The following RPH3A variants were observed in gnomAD, a reference collection of about 807,000 sequenced individuals.
RPH3A encodes rabphilin 3A, also known as rabphilin-3A.
RPH3A carries 48 observed loss-of-function variants against 102.2 expected under a neutral mutation model. That is an observed-to-expected ratio of 0.47 (90% CI 0.37 to 0.60). RPH3A has a LOEUF of 0.60. Among genes scored for constraint, RPH3A ranks in the 20% least tolerant of loss-of-function variants. RPH3A has a pLI of 0.00. For synonymous variants in RPH3A, 310 were observed against 324.3 expected (o/e 0.96, Z 0.47); for missense variants, 781 against 910.1 (o/e 0.86, Z 1.83).
Position 112,896,924 on chromosome 12 carries a change from C to T in RPH3A, c.*144C>T, listed in dbSNP as rs565753263. 1.9e-4 allele frequency: 157 copies of T among 810,740 alleles called. No individual in the cohort carries two copies. In the East Asian group the frequency reaches 3.7e-3, roughly 19 times the overall value. 50.2% of individuals were successfully genotyped at this position (810,740 alleles called of 1,614,324 possible). A position where few individuals can be genotyped will look rare whatever the true frequency, so the allele number is the denominator to read the frequency against. Reference sequence around the variant, plus strand: ...TGAGCCTGCCTTTGAGCCCCCGTCACGTTGGGCACTGCTGCCAAAGACTCC... The same window carrying T: ...TGAGCCTGCCTTTGAGCCCCCGTCATGTTGGGCACTGCTGCCAAAGACTCC... On this transcript the variant is annotated 3_prime_UTR_variant, in exon 22 of 22. Coordinates refer to ENST00000389385, the MANE Select transcript of RPH3A (RefSeq NM_001143854.2).
At chr12:112,686,239 T>A (rs528855866) in intron 1 of RPH3A, among the ~76,000 whole-genome samples, 1 of 152,260 alleles carries the variant, frequency 6.6e-6, no homozygotes, top group African/African-American at 2.4e-5. Context: ...CTTCCAGAAC[T>A]TGGTTGAAAT....
At position 112,686,643 on chromosome 12, in the gene RPH3A, A is replaced by C. The variant is rs73417188; in HGVS notation, c.-139-105500A>C. ...TATGCAAGTGAGGCCATCCAGGACC[A>C]GCCAGCCACCAGCCAATTCCCCAGC... On this transcript the variant is annotated intron_variant, in intron 1 of 21. Coordinates refer to the RPH3A transcript ENST00000543106. Among the ~76,000 whole-genome samples, 341 of 152,334 alleles carry C rather than the reference A, an allele frequency of 2.2e-3. 2 individuals carry two copies. The highest frequency in any genetic ancestry group is 7.5e-3 in the African/African-American group (311 of 41,574).
intron 1 of RPH3A, among the ~76,000 whole-genome samples, chr12:112,750,446 A>G (rs183686685): frequency 6.6e-6 from 1 of 152,280 alleles, no homozygotes; most frequent in East Asian, 1.9e-4. Flanking sequence ...ACTGTAGAAC[A>G]TGCACCTCAG....
intron 2 of RPH3A, among the ~76,000 whole-genome samples, chr12:112,806,796 G>T (rs992036325): frequency 6.6e-6 from 1 of 152,038 alleles, no homozygotes; most frequent in African/African-American, 2.4e-5. Flanking sequence ...ATCTTCCTGT[G>T]AGCAGGTAGA....
At chr12:112,594,656 G>A (rs779126503) in intron 1 of RPH3A, among the ~76,000 whole-genome samples, 3 of 152,224 alleles carry the variant, frequency 2.0e-5, no homozygotes, top group Non-Finnish European at 2.9e-5. Flanking sequence ...CCCTCGTGGA[G>A]CTCTCAGTCT....
chr12:112,780,492 C>T (rs11608781), intron 1 of RPH3A, among the ~76,000 whole-genome samples: 3,924 of 152,236 alleles, frequency 0.026, 65 homozygotes, highest in Middle Eastern at 0.034. Context: ...ATCTCTTTCA[C>T]CTGTTAGGGA....
chr12:112,833,544 T>G (rs1047413572), intron 3 of RPH3A, among the ~76,000 whole-genome samples: 5 of 73,864 alleles, frequency 6.8e-5, no homozygotes, highest in Non-Finnish European at 1.3e-4. Context: ...GTTCTGGTCA[T>G]CCAGAAACAC....
rs11447068 is a variant in RPH3A, at chr12:112,841,173, T to TAAAAAAAAAAAAAAAA, written c.83+4677_83+4692dup. Among the ~76,000 whole-genome samples the TAAAAAAAAAAAAAAAA allele has an allele frequency of 2.0e-3, 68 of 33,320 alleles. 5 individuals are homozygous for TAAAAAAAAAAAAAAAA. Among genetic ancestry groups the TAAAAAAAAAAAAAAAA allele is most frequent in the African/African-American group, 8.1e-3 (58 of 7,184 alleles). The allele number at this position is 33,320 out of a possible 152,430, so 21.9% of individuals were successfully genotyped here. On this transcript the variant is annotated intron_variant, in intron 4 of 21. Coordinates refer to ENST00000389385, the MANE Select transcript of RPH3A (RefSeq NM_001143854.2). ...GGCAACATAACAAGACCTTGTTTCT[T>TAAAAAAAAAAAAAAAA]AAAAAAAAAAAAAAAAAAAAAGCCT... is the stretch of plus-strand genomic sequence containing the variant.
At chr12:112,703,471 T>G (rs947203181) in intron 1 of RPH3A, among the ~76,000 whole-genome samples, 1 of 152,214 alleles carries the variant, frequency 6.6e-6, no homozygotes, top group African/African-American at 2.4e-5. Context: ...ACTGAAGCCA[T>G]CCTCATGAAG....
intron 1 of RPH3A, among the ~76,000 whole-genome samples, chr12:112,593,647 A>G (rs967974304): frequency 6.6e-6 from 1 of 152,206 alleles, no homozygotes; most frequent in African/African-American, 2.4e-5. Context: ...GTTAGATTGG[A>G]AGGCCACCTT....
intron 16 of RPH3A, among the ~76,000 whole-genome samples, chr12:112,885,220 A>G (rs949749193): frequency 3.3e-5 from 5 of 152,324 alleles, no homozygotes; most frequent in Admixed American, 2.6e-4. Flanking sequence ...TCTGTTGCAT[A>G]TATACCTAGA....
intron 1 of RPH3A, among the ~76,000 whole-genome samples, chr12:112,712,910 T>TTCC (rs1565856739): frequency 4.0e-4 from 44 of 110,488 alleles, no homozygotes; most frequent in African/African-American, 1.6e-3. Context: ...CTTCCTCTTC[T>TTCC]TCTTCTTCTT....
chr12:112,639,623 A>G (rs543751248), intron 1 of RPH3A, among the ~76,000 whole-genome samples: 2 of 152,282 alleles, frequency 1.3e-5, no homozygotes, highest in Admixed American at 1.3e-4. Flanking sequence ...AAACCTGCAC[A>G]TGTACCCTGG....
intron 1 of RPH3A, among the ~76,000 whole-genome samples, chr12:112,701,220 G>C (rs1644162238): frequency 6.6e-6 from 1 of 152,090 alleles, no homozygotes. Flanking sequence ...CGAGAGTATA[G>C]GTAGAAAGGT....
chr12:112,718,438 A>G (rs2136040796), intron 1 of RPH3A, among the ~76,000 whole-genome samples: 1 of 152,222 alleles, frequency 6.6e-6, no homozygotes, highest in South Asian at 2.1e-4. Context: ...GTCTATAACA[A>G]TGATTCCCAA....
At chr12:112,763,441 A>T (rs1040769735) in intron 1 of RPH3A, among the ~76,000 whole-genome samples, 2 of 152,220 alleles carry the variant, frequency 1.3e-5, no homozygotes, top group Non-Finnish European at 2.9e-5. Context: ...TACATGTGAG[A>T]TGTACATTGG....
intron 1 of RPH3A, among the ~76,000 whole-genome samples, chr12:112,732,971 G>A (rs2040644561): frequency 6.6e-6 from 1 of 152,164 alleles, no homozygotes; most frequent in Non-Finnish European, 1.5e-5. Context: ...TGTCTGATTT[G>A]AATATTGCAT....
intron 14 of RPH3A, 32 bp downstream of exon 14, chr12:112,879,230 C>T (rs187697237): frequency 1.9e-6 from 3 of 1,583,750 alleles, no homozygotes; most frequent in Non-Finnish European, 2.6e-6. Context: ...GGGAACCTCT[C>T]AGGATGCTCT....
chr12:112,827,982 G>C (rs1389083235), intron 2 of RPH3A, among the ~76,000 whole-genome samples: 8 of 152,186 alleles, frequency 5.3e-5, no homozygotes, highest in South Asian at 4.2e-4. Context: ...CCCTGGATTC[G>C]AGTTAAGAAC....
Sources: gnomAD v4.1 joint callset for allele counts (sites outside exome capture counted in the v4.1 genomes callset) on GRCh38, gnomAD v4.1.1 for gene constraint, MANE v1.5 for transcripts, NCBI Gene and HGNC (gene_info 2026-07-23, HGNC 2026-07-21) for gene names.